The following NEK1 variants were observed in gnomAD, a reference collection of about 807,000 sequenced individuals.
NEK1 encodes the protein NIMA related kinase 1, also known as serine/threonine-protein kinase Nek1.
NEK1 carries 137 observed loss-of-function variants against 182.1 expected under a neutral mutation model. That is an observed-to-expected ratio of 0.75 (90% CI 0.65 to 0.87). The LOEUF is 0.87. Among genes scored for constraint, NEK1 ranks in the 40% least tolerant of loss-of-function variants. NEK1 has a pLI of 0.00. For missense variants in NEK1, 1,391 were observed against 1,494.4 expected (o/e 0.93, Z 1.14); for synonymous variants, 513 against 492.2 (o/e 1.04, Z -0.56).
At chr4:169,576,023 G>T (rs749080551) in intron 12 of NEK1, among the ~76,000 whole-genome samples, 4 of 151,286 alleles carry the variant, frequency 2.6e-5, no homozygotes, top group Admixed American at 6.6e-5. Context: ...TAGTGCAGTG[G>T]CGCACTCTTT....
At chr4:169,471,662 G>A (rs1745998995) in intron 26 of NEK1, among the ~76,000 whole-genome samples, 1 of 152,176 alleles carries the variant, frequency 6.6e-6, no homozygotes, top group Non-Finnish European at 1.5e-5. Flanking sequence ...TGTGGTGAGA[G>A]ATCTGTTCCT....
intron 35 of NEK1, among the ~76,000 whole-genome samples, chr4:169,398,668 A>T (rs1731125294): frequency 2.0e-5 from 3 of 152,116 alleles, no homozygotes; most frequent in Admixed American, 2.0e-4. Context: ...TCATTTGTCC[A>T]ATTTGTTGAC....
chr4:169,591,271 A>T (rs1768452574), intron 5 of NEK1, among the ~76,000 whole-genome samples: 1 of 151,550 alleles, frequency 6.6e-6, no homozygotes, highest in Non-Finnish European at 1.5e-5. Context: ...TCAGCCTCCG[A>T]GGGACTAGGA....
intron 5 of NEK1, among the ~76,000 whole-genome samples, chr4:169,593,569 G>GA (rs1361127063): frequency 6.6e-6 from 1 of 152,296 alleles, no homozygotes; most frequent in South Asian, 2.1e-4. Context: ...AAGCAGAGAA[G>GA]AAAGGCACAG....
chr4:169,515,390 A>C (rs1314663031), intron 19 of NEK1, among the ~76,000 whole-genome samples: 2 of 152,166 alleles, frequency 1.3e-5, no homozygotes, highest in Non-Finnish European at 2.9e-5. Context: ...TTCAAGTCTC[A>C]ACTGTAATTG....
chr4:169,507,503 A>G (rs943685424), intron 22 of NEK1, among the ~76,000 whole-genome samples: 16 of 152,092 alleles, frequency 1.1e-4, no homozygotes, highest in African/African-American at 3.9e-4. Flanking sequence ...TGATAGTTTC[A>G]TGTATTTATG....
chr4:169,508,341 G>A lies in NEK1; in HGVS notation c.1750-10C>T. On this transcript the variant is annotated splice_polypyrimidine_tract_variant and intron_variant, in intron 20 of 35. Coordinates refer to ENST00000507142, the MANE Select transcript of NEK1 (RefSeq NM_001199397.3). ...GTCTTGCCAGATAAACCTACAAGGAGGCAAAAACCCCAACATAATAATGTA... is the reference window on the plus strand; with the variant it reads ...GTCTTGCCAGATAAACCTACAAGGAAGCAAAAACCCCAACATAATAATGTA... The A allele has an allele frequency of 6.4e-7, 1 of 1,550,422 alleles. No homozygotes were observed. The highest frequency in any genetic ancestry group is 8.7e-7 in the Non-Finnish European group (1 of 1,148,656).
At chr4:169,426,035 T>A (rs939203256) in intron 30 of NEK1, 111 bp downstream of exon 30, 1 of 741,584 alleles carries the variant, frequency 1.3e-6, no homozygotes, top group Non-Finnish European at 2.2e-6. Context: ...ATGATTGAGA[T>A]GACTGATAAG....
At chr4:169,492,207 T>C (rs1750224968) in intron 23 of NEK1, among the ~76,000 whole-genome samples, 1 of 152,138 alleles carries the variant, frequency 6.6e-6, no homozygotes, top group Admixed American at 6.5e-5. Context: ...GATGGAAAAA[T>C]AAGATTCAGA....
intron 19 of NEK1, among the ~76,000 whole-genome samples, chr4:169,522,620 C>A (rs898463548): frequency 6.6e-6 from 1 of 152,194 alleles, no homozygotes; most frequent in Non-Finnish European, 1.5e-5. Context: ...AGCTCCTGTT[C>A]AATCACTGCT....
intron 29 of NEK1, among the ~76,000 whole-genome samples, chr4:169,427,348 G>A (rs553947777): frequency 5.3e-4 from 80 of 152,066 alleles, no homozygotes; most frequent in Non-Finnish European, 9.4e-4. Context: ...GGATGGTCTC[G>A]ATCTCCTGAC....
At chr4:169,439,770 A>G (rs1166218503) in intron 27 of NEK1, among the ~76,000 whole-genome samples, 1 of 152,046 alleles carries the variant, frequency 6.6e-6, no homozygotes, top group Non-Finnish European at 1.5e-5. Context: ...AATAATCAGT[A>G]CAGCGTCCAG....
At position 169,408,935 on chromosome 4, in the gene NEK1, G is replaced by A. The variant is rs191640973; in HGVS notation, c.3223-2188C>T. ...GCAAATTGTGCTGCTATAAACATGG[G>A]TGTGTGTGTGTCTTTTTCATATAAT... On this transcript the variant is annotated intron_variant, in intron 31 of 35. Coordinates refer to ENST00000507142, the MANE Select transcript of NEK1 (RefSeq NM_001199397.3). Among the ~76,000 whole-genome samples, 278 of 152,144 alleles carry A rather than the reference G, an allele frequency of 1.8e-3. 2 individuals are homozygous for A. In the Middle Eastern group the frequency reaches 0.024, roughly 13 times the overall value.
chr4:169,450,926 A>G (rs1741606715), intron 27 of NEK1, among the ~76,000 whole-genome samples: 1 of 152,208 alleles, frequency 6.6e-6, no homozygotes, highest in Admixed American at 6.5e-5. Context: ...GCTCAAAATA[A>G]AGGAATGGAG....
chr4:169,515,194 T>G (rs989477370), intron 19 of NEK1, among the ~76,000 whole-genome samples: 1 of 152,194 alleles, frequency 6.6e-6, no homozygotes, highest in Non-Finnish European at 1.5e-5. Flanking sequence ...TTTGTAAAGG[T>G]TTTATAATTC....
chr4:169,585,582 A>G, intron 9 of NEK1, 33 bp from the exon 10 acceptor site: 1 of 1,397,762 alleles, frequency 7.2e-7, no homozygotes, highest in East Asian at 2.3e-5. Flanking sequence ...CATATAGGAA[A>G]CATATATAAA....
intron 2 of NEK1, among the ~76,000 whole-genome samples, chr4:169,610,149 G>A (rs758258841): frequency 1.4e-4 from 21 of 151,680 alleles, no homozygotes; most frequent in South Asian, 2.1e-4. Flanking sequence ...TTACAGGAGT[G>A]TGACACCATA....
intron 23 of NEK1, among the ~76,000 whole-genome samples, chr4:169,490,796 A>G (rs1239214449): frequency 6.6e-6 from 1 of 152,074 alleles, no homozygotes; most frequent in Non-Finnish European, 1.5e-5. Flanking sequence ...GAAAGCCTAT[A>G]GGAATTATGG....
intron 18 of NEK1, among the ~76,000 whole-genome samples, chr4:169,549,726 T>G (rs1761129943): frequency 6.6e-6 from 1 of 151,600 alleles, no homozygotes; most frequent in Non-Finnish European, 1.5e-5. Flanking sequence ...CCCGGTCTTT[T>G]TTTGTTTGTT....
Sources: allele counts gnomAD v4.1 joint callset (sites outside exome capture counted in the v4.1 genomes callset), GRCh38; gene constraint gnomAD v4.1.1; transcripts MANE v1.5; gene names NCBI Gene and HGNC (gene_info 2026-07-23, HGNC 2026-07-21).